The following GREB1L variants were observed in gnomAD, a reference collection of about 807,000 sequenced individuals.
The protein encoded by GREB1L is GREB1 like retinoic acid receptor coactivator.
A neutral mutation model predicts 200.8 loss-of-function variants in GREB1L; 17 were observed. The observed-to-expected ratio is 0.08, with a 90% CI of 0.06 to 0.13. The LOEUF (loss-of-function observed/expected upper bound fraction) is 0.13, where lower values mean the gene tolerates loss of function less well. Among genes scored for constraint, GREB1L ranks in the 10% least tolerant of loss-of-function variants. The pLI is 1.00. For missense variants in GREB1L, 1,657 were observed against 2,367.7 expected, an observed-to-expected ratio of 0.70 and a Z score of 6.23; for synonymous variants, 789 against 893.0, an observed-to-expected ratio of 0.88 and a Z score of 2.08.
intron 1 of GREB1L, among the ~76,000 whole-genome samples, chr18:21,263,616 T>C (rs1435530596): frequency 1.3e-5 from 2 of 152,318 alleles, no homozygotes; most frequent in South Asian, 2.1e-4. Context: ...TTTTATGATA[T>C]GGTTATGTAA....
intron 1 of GREB1L, among the ~76,000 whole-genome samples, chr18:21,290,824 CAAAAAAAAA>C (rs752840997): frequency 1.6e-5 from 1 of 63,204 alleles, no homozygotes; most frequent in African/African-American, 5.0e-5. Flanking sequence ...GACTCTGTCT[CAAAAAAAAA>C]AAAAAAAAAA....
In GREB1L at chr18:21,322,919, AT is replaced by A. The variant is rs918763254; in HGVS notation, c.-119-43098del. ...TAAAACTTATGGTAGTAAACATGGGATTTTTTTTTTCTTAATCTTAGGACTT... is the reference window on the plus strand; with the variant it reads ...TAAAACTTATGGTAGTAAACATGGGATTTTTTTTTCTTAATCTTAGGACTT... On this transcript the variant is annotated intron_variant, in intron 1 of 32. Coordinates refer to ENST00000424526, the MANE Select transcript of GREB1L (RefSeq NM_001142966.3). Among the ~76,000 whole-genome samples the A allele has an allele frequency of 1.3e-3, 198 of 151,012 alleles. 1 individual carries two copies. Among genetic ancestry groups the A allele is most frequent in the African/African-American group, 2.1e-3 (85 of 41,188 alleles).
intron 2 of GREB1L, among the ~76,000 whole-genome samples, chr18:21,375,389 G>A (rs572472070): frequency 7.2e-5 from 11 of 151,924 alleles, no homozygotes; most frequent in Non-Finnish European, 1.5e-4. Flanking sequence ...TTATTAGAGC[G>A]GTACGGTTAT....
chr18:21,311,985 T>C (rs2038799149), intron 1 of GREB1L, among the ~76,000 whole-genome samples: 1 of 152,152 alleles, frequency 6.6e-6, no homozygotes, highest in Non-Finnish European at 1.5e-5. Context: ...CCCTCCCACC[T>C]TCCACCCGCA....
chr18:21,360,075 T>G (rs1598693139), intron 1 of GREB1L, among the ~76,000 whole-genome samples: 1 of 152,344 alleles, frequency 6.6e-6, no homozygotes, highest in Non-Finnish European at 1.5e-5. Flanking sequence ...GAAATATAAC[T>G]TTTATTGATA....
At chr18:21,426,415 G>A (rs528367930) in intron 7 of GREB1L, among the ~76,000 whole-genome samples, 2 of 152,156 alleles carry the variant, frequency 1.3e-5, no homozygotes, top group Admixed American at 1.3e-4. Context: ...TTTTGCCTGT[G>A]GATATCCAGT....
At chr18:21,291,760 G>C (rs1372521136) in intron 1 of GREB1L, among the ~76,000 whole-genome samples, 1 of 152,156 alleles carries the variant, frequency 6.6e-6, no homozygotes, top group Non-Finnish European at 1.5e-5. Flanking sequence ...AAACCTTAAA[G>C]AGAAATGGAG....
chr18:21,394,124 C>T (rs1324409052), intron 4 of GREB1L, among the ~76,000 whole-genome samples: 1 of 152,218 alleles, frequency 6.6e-6, no homozygotes, highest in Non-Finnish European at 1.5e-5. Flanking sequence ...CTGAGCCATG[C>T]TCTCCTTGGC....
intron 1 of GREB1L, among the ~76,000 whole-genome samples, chr18:21,334,107 T>C (rs1222798421): frequency 1.3e-5 from 2 of 152,146 alleles, no homozygotes; most frequent in Non-Finnish European, 2.9e-5. Context: ...TAAATAAAAA[T>C]GAACTATTAC....
At chr18:21,518,365 T>C in intron 31 of GREB1L, 131 bp downstream of exon 31, 1 of 838,324 alleles carries the variant, frequency 1.2e-6, no homozygotes, top group Non-Finnish European at 1.8e-6. Context: ...TTGCCAGAAC[T>C]TTTATTAAAG....
chr18:21,420,783 G>A (rs1347103510), intron 7 of GREB1L, among the ~76,000 whole-genome samples: 2 of 152,098 alleles, frequency 1.3e-5, no homozygotes, highest in African/African-American at 4.8e-5. Context: ...TTTATTCCTA[G>A]GTGTTTACCA....
chr18:21,326,201 GTA>G (rs2039020039), intron 1 of GREB1L, among the ~76,000 whole-genome samples: 1 of 151,942 alleles, frequency 6.6e-6, no homozygotes, highest in African/African-American at 2.4e-5. Context: ...AGAACAGTGT[GTA>G]TAATATGATA....
At chr18:21,289,166 C>A (rs970623545) in intron 1 of GREB1L, among the ~76,000 whole-genome samples, 1 of 152,184 alleles carries the variant, frequency 6.6e-6, no homozygotes, top group Non-Finnish European at 1.5e-5. Flanking sequence ...CTCTGACTTA[C>A]TGAAAGGAAA....
intron 7 of GREB1L, among the ~76,000 whole-genome samples, chr18:21,415,430 C>A (rs1045494657): frequency 6.6e-6 from 1 of 152,014 alleles, no homozygotes; most frequent in Non-Finnish European, 1.5e-5. Context: ...GCAGTAGGAA[C>A]GCTTGAGGCT....
chr18:21,516,664 G>A lies in GREB1L; in HGVS notation c.5181G>A (p.Leu1727=), dbSNP rs1002194132. The change falls in exon 30 of 33, where the codon CTG becomes CTA. Residue 1727 remains leucine (L), a synonymous_variant. Transcript: ENST00000424526. The part of the protein sequence containing the change: ...DFNLRTNSSG[L]LICRFNNFSL... Reference sequence around the variant, plus strand: ...ATCTGAGAACAAACAGTAGTGGCCTGCTCATCTGCCGCTTTAATAACTTCA... The same window carrying A: ...ATCTGAGAACAAACAGTAGTGGCCTACTCATCTGCCGCTTTAATAACTTCA... The A allele has an allele frequency of 1.2e-5, 18 of 1,551,306 alleles. No individual in the cohort carries two copies. The Admixed American group carries it at 3.5e-4, about 30-fold the overall frequency.
intron 11 of GREB1L, among the ~76,000 whole-genome samples, chr18:21,445,696 T>C (rs2034178939): frequency 6.6e-6 from 1 of 152,218 alleles, no homozygotes; most frequent in African/African-American, 2.4e-5. Context: ...ACTAGAACTC[T>C]GTGCCCTGAG....
intron 1 of GREB1L, among the ~76,000 whole-genome samples, chr18:21,329,575 T>G (rs1355130108): frequency 1.3e-5 from 2 of 152,128 alleles, no homozygotes; most frequent in African/African-American, 2.4e-5. Flanking sequence ...AGGAAGACTT[T>G]CCAGACCTTT....
At chr18:21,354,369 C>T (rs899981096) in intron 1 of GREB1L, among the ~76,000 whole-genome samples, 3 of 152,088 alleles carry the variant, frequency 2.0e-5, no homozygotes, top group Non-Finnish European at 4.4e-5. Context: ...GGGAGGATAG[C>T]GTGAGCCCAG....
chr18:21,486,034 T>C (rs1160368327), intron 18 of GREB1L, among the ~76,000 whole-genome samples: 3 of 152,168 alleles, frequency 2.0e-5, no homozygotes, highest in East Asian at 3.9e-4. Flanking sequence ...AGGAGATGGA[T>C]AGGGCAGAGA....
Sources: gnomAD v4.1 joint callset for allele counts (sites outside exome capture counted in the v4.1 genomes callset) on GRCh38, gnomAD v4.1.1 for gene constraint, MANE v1.5 for transcripts, NCBI Gene and HGNC (gene_info 2026-07-23, HGNC 2026-07-21) for gene names.